AKAP13: variants seen among roughly 807,000 people sequenced by gnomAD.
AKAP13 encodes the protein A-kinase anchor protein 13.
A neutral mutation model predicts 264.5 loss-of-function variants in AKAP13; 80 were observed. That is an observed-to-expected ratio of 0.30 (90% CI 0.25 to 0.36). The LOEUF is 0.36. AKAP13 is among the 10% of genes least tolerant of loss of function. The pLI is 1.00. For missense variants in AKAP13, 3,712 were observed against 3,435.2 expected (o/e 1.08, Z -2.01); for synonymous variants, 1,380 against 1,250.2 (o/e 1.10, Z -2.19).
In AKAP13 at chr15:85,427,207, G is replaced by A. The variant is rs182802962; in HGVS notation, c.-12+46409G>A. Among the ~76,000 whole-genome samples, 182 of 151,954 alleles carry A rather than the reference G, an allele frequency of 1.2e-3. 1 individual carries two copies. Among genetic ancestry groups the A allele is most frequent in the African/African-American group, 4.2e-3 (176 of 41,438 alleles). ...CATGTCCTTGTGATCCGCCCGCCTCGGCCTCCCAAAGTGCTGGGATTACAA... is the reference window on the plus strand; with the variant it reads ...CATGTCCTTGTGATCCGCCCGCCTCAGCCTCCCAAAGTGCTGGGATTACAA... On this transcript the variant is annotated intron_variant, in intron 1 of 36. Transcript: ENST00000394518.
At chr15:85,599,250 C>T (rs1024929607) in intron 8 of AKAP13, among the ~76,000 whole-genome samples, 37 of 152,254 alleles carry the variant, frequency 2.4e-4, no homozygotes, top group African/African-American at 8.7e-4. Context: ...TGCAGCTGAA[C>T]GCATTAAAAG....
In AKAP13 at chr15:85,403,567, G is replaced by T. The variant is rs550756993; in HGVS notation, c.-12+22769G>T. ...TTTAAAAGCTGATGTGAGGTCGGGCGCAGTGGCTCATGCCTGTAATCCCAG... is the reference window on the plus strand; with the variant it reads ...TTTAAAAGCTGATGTGAGGTCGGGCTCAGTGGCTCATGCCTGTAATCCCAG... On this transcript the variant is annotated intron_variant, in intron 1 of 36. Transcript: ENST00000394518. Among the ~76,000 whole-genome samples the T allele has an allele frequency of 3.9e-5, 6 of 152,226 alleles. No homozygotes were observed. In the South Asian group the frequency reaches 1.2e-3, roughly 32 times the overall value.
Position 85,723,272 on chromosome 15 carries a change from G to C in AKAP13, c.6697G>C (p.Val2233Leu), listed in dbSNP as rs376932632. The C allele has an allele frequency of 6.2e-7, 1 of 1,614,146 alleles. No individual in the cohort carries two copies. Among genetic ancestry groups the C allele is most frequent in the Non-Finnish European group, 8.5e-7 (1 of 1,179,992 alleles). Residue 2233 changes from valine to leucine, a missense_variant, in exon 26 of 37, where the codon GTA becomes CTA. Around this residue, in one of 3 missense-constraint regions of AKAP13, gnomAD observed 342 missense variants for 484.3 expected, o/e 0.71. Transcript: ENST00000394518. ...AKEDLKRKKL[V>L]RDGSVFLKNA... ...GGAAGATTTGAAACGGAAGAAGCTTGTACGTGATGGGAGTGTGTTTCTGAA... is the reference window on the plus strand; with the variant it reads ...GGAAGATTTGAAACGGAAGAAGCTTCTACGTGATGGGAGTGTGTTTCTGAA...
chr15:85,652,028 A>G lies in AKAP13; in HGVS notation c.4375-3389A>G, dbSNP rs372787449. Among the ~76,000 whole-genome samples, 277 of 152,344 alleles carry G rather than the reference A, an allele frequency of 1.8e-3. 1 individual carries two copies. The South Asian group carries it at 0.018, about 10-fold the overall frequency. On this transcript the variant is annotated intron_variant, in intron 10 of 36. Coordinates refer to ENST00000394518, the MANE Select transcript of AKAP13 (RefSeq NM_007200.5). Reference sequence around the variant, plus strand: ...GTAAGAGCTGCATACTGCAGTAAAAATAATGAGTATAAGAATATTATTCTG... The same window carrying G: ...GTAAGAGCTGCATACTGCAGTAAAAGTAATGAGTATAAGAATATTATTCTG...
At chr15:85,458,603 AT>A (rs1389205356) in intron 1 of AKAP13, among the ~76,000 whole-genome samples, 1 of 151,892 alleles carries the variant, frequency 6.6e-6, no homozygotes, top group Non-Finnish European at 1.5e-5. Context: ...TTATTTGTAA[AT>A]GTTTGATTTT....
chr15:85,553,086 T>C (rs1282004003), intron 5 of AKAP13, among the ~76,000 whole-genome samples: 1 of 140,776 alleles, frequency 7.1e-6, no homozygotes, highest in Non-Finnish European at 1.5e-5. Flanking sequence ...CTGTAATTCT[T>C]TTTTTTTTTT....
At chr15:85,508,068 T>G (rs2076293921) in intron 2 of AKAP13, among the ~76,000 whole-genome samples, 1 of 152,166 alleles carries the variant, frequency 6.6e-6, no homozygotes, top group Non-Finnish European at 1.5e-5. Flanking sequence ...CAAGATATTC[T>G]CAAAGCATTT....
intron 3 of AKAP13, among the ~76,000 whole-genome samples, chr15:85,531,998 G>A (rs2077257846): frequency 1.3e-5 from 2 of 152,132 alleles, no homozygotes; most frequent in Admixed American, 6.5e-5. Flanking sequence ...CATCAGCCTC[G>A]ACTCTGAATA....
intron 1 of AKAP13, among the ~76,000 whole-genome samples, chr15:85,445,781 G>A (rs1430106760): frequency 6.6e-6 from 1 of 152,030 alleles, no homozygotes; most frequent in Non-Finnish European, 1.5e-5. Context: ...TCCTTGTAAT[G>A]GCACTGTACT....
Position 85,710,759 on chromosome 15 carries a change from G to GTATTCATATCT in AKAP13, c.5599+115_5599+116insATTCATATCTT. The stretch of plus-strand genomic sequence containing the variant: ...TAGTCAAGATATGAATACCTATTTT[G>GTATTCATATCT]TGGTAAGTGAGAGAAGGCTGCTGTT... On this transcript the variant is annotated intron_variant, in intron 19 of 36. Transcript: ENST00000394518. The GTATTCATATCT allele has an allele frequency of 2.5e-6, 3 of 1,193,770 alleles. No homozygotes were observed. In the East Asian group the frequency reaches 7.6e-5, roughly 30 times the overall value. The allele number at this position is 1,193,770 out of a possible 1,614,324, so 73.9% of individuals were successfully genotyped here.
intron 17 of AKAP13, among the ~76,000 whole-genome samples, chr15:85,699,268 A>T (rs1372844495): frequency 6.6e-6 from 1 of 151,968 alleles, no homozygotes; most frequent in African/African-American, 2.4e-5. Context: ...ACATGGTGAA[A>T]CCCCATCTCT....
rs749798707 is a variant in AKAP13, at chr15:85,581,784, C to G, written c.3716C>G (p.Ala1239Gly). 1 of 1,614,182 alleles carries G rather than the reference C, an allele frequency of 6.2e-7. No homozygotes were observed. The highest frequency in any genetic ancestry group is 2.2e-5 in the East Asian group (1 of 44,880). Reference sequence around the variant, plus strand: ...CCTTGCATGGTCTCTGCCCAGGACGCACCTCTGCCTAAGGGGGCAGACTTG... The same window carrying G: ...CCTTGCATGGTCTCTGCCCAGGACGGACCTCTGCCTAAGGGGGCAGACTTG... ...SLPCMVSAQD[A>G]PLPKGADLIE... The change falls in exon 7 of 37, where the codon GCA becomes GGA. Residue 1239 changes from alanine (A) to glycine (G), a missense_variant. By Grantham distance (60) the Ala-to-Gly change is moderately conservative. Coordinates refer to ENST00000394518, the MANE Select transcript of AKAP13 (RefSeq NM_007200.5).
intron 1 of AKAP13, among the ~76,000 whole-genome samples, chr15:85,424,492 C>G (rs2072674628): frequency 6.6e-6 from 1 of 152,170 alleles, no homozygotes; most frequent in Admixed American, 6.5e-5. Context: ...TATTTAGGGC[C>G]TTACTCTGGA....
chr15:85,584,431 C>G (rs564963931), intron 7 of AKAP13, among the ~76,000 whole-genome samples: 32 of 152,092 alleles, frequency 2.1e-4, no homozygotes, highest in African/African-American at 7.2e-4. Context: ...AATCACATCC[C>G]CAGAGGAAAG....
rs1164832797 is a variant in AKAP13 at position 85,631,528 on chromosome 15, A to T, written c.4162-7846A>T. ...CACACACACACACACACACACACAC[A>T]CACACACACACACACACACACACAC... On this transcript the variant is annotated intron_variant, in intron 8 of 36. Transcript: ENST00000394518. Among the ~76,000 whole-genome samples the T allele has an allele frequency of 9.6e-4, 144 of 150,498 alleles. 1 individual carries two copies. The highest frequency in any genetic ancestry group is 3.4e-3 in the Middle Eastern group (1 of 290).
At chr15:85,691,510 T>C (rs181604018) in intron 16 of AKAP13, among the ~76,000 whole-genome samples, 1 of 152,368 alleles carries the variant, frequency 6.6e-6, no homozygotes, top group East Asian at 1.9e-4. Flanking sequence ...TGTGTAAGCT[T>C]TGACAACAGC....
chr15:85,559,653 A>G (rs1356798861), intron 5 of AKAP13, among the ~76,000 whole-genome samples: 3 of 144,914 alleles, frequency 2.1e-5, no homozygotes, highest in Admixed American at 6.8e-5. Context: ...TCCCTCACAT[A>G]CGCAGTTCAC....
chr15:85,734,377 G>A (rs1402578319), intron 30 of AKAP13, among the ~76,000 whole-genome samples: 1 of 152,124 alleles, frequency 6.6e-6, no homozygotes, highest in Non-Finnish European at 1.5e-5. Context: ...TCATTTTTGT[G>A]TAGTTTTTCT....
intron 16 of AKAP13, among the ~76,000 whole-genome samples, chr15:85,692,165 C>A (rs1174994936): frequency 1.3e-5 from 2 of 152,132 alleles, no homozygotes; most frequent in African/African-American, 4.8e-5. Flanking sequence ...CTTCTATCTT[C>A]CCTGCTCACA....
Sources: allele counts gnomAD v4.1 joint callset (sites outside exome capture counted in the v4.1 genomes callset), GRCh38; gene constraint gnomAD v4.1.1; regional missense constraint gnomAD v4.1.1; transcripts MANE v1.5; gene names NCBI Gene and HGNC (gene_info 2026-07-23, HGNC 2026-07-21).